The following CACNA1B variants were observed in gnomAD, a reference collection of about 807,000 sequenced individuals.
CACNA1B encodes calcium voltage-gated channel subunit alpha1 B, also known as voltage-dependent N-type calcium channel subunit alpha-1B.
Under a neutral mutation model 247.2 loss-of-function variants are expected in CACNA1B, and 70 were observed. That is an observed-to-expected ratio of 0.28 (90% CI 0.23 to 0.35). The LOEUF (loss-of-function observed/expected upper bound fraction) is 0.35. Ranked by LOEUF, CACNA1B falls within the 10% of genes least tolerant of loss-of-function variation. CACNA1B has a pLI of 1.00. For synonymous variants in CACNA1B, 1,231 were observed against 1,294.4 expected (o/e 0.95, Z 1.05); for missense variants, 2,367 against 3,197.4 (o/e 0.74, Z 6.26).
intron 42 of CACNA1B, among the ~76,000 whole-genome samples, chr9:138,116,851 G>T (rs1371407991): frequency 6.6e-6 from 1 of 152,202 alleles, no homozygotes; most frequent in Non-Finnish European, 1.5e-5. Context: ...TCTGTGCCTG[G>T]TGCCAGCAGG....
In CACNA1B at chr9:138,043,794, A is replaced by G. The variant is rs774656368; in HGVS notation, c.3307A>G (p.Ser1103Gly). 6.2e-6 allele frequency: 10 copies of G among 1,613,780 alleles called. No individual in the cohort carries two copies. The African/African-American group carries it at 9.3e-5, about 15-fold the overall frequency. ...VVPSGNVDLE[S>G]QAEGKKEVEA... ...TGTAGGTGGTAACGTGGACCTGGAA[A>G]GCCAAGCAGAGGGGAAGAAGGAGGT... is the stretch of plus-strand genomic sequence containing the variant. Residue 1103 changes from serine to glycine, a missense_variant, in exon 21 of 47, where the codon AGC (serine) becomes GGC (glycine). Around this residue, in one of 12 missense-constraint regions of CACNA1B, gnomAD observed 631 missense variants for 631.1 expected, o/e 1.00. Coordinates refer to ENST00000371372, the MANE Select transcript of CACNA1B (RefSeq NM_000718.4).
intron 37 of CACNA1B, chr9:138,101,052 G>T (rs926767353): frequency 2.3e-4 from 110 of 482,916 alleles, no homozygotes; most frequent in Non-Finnish European, 4.3e-5. Flanking sequence ...GGGCGGGAGG[G>T]TCGGGCTCCA....
intron 20 of CACNA1B, among the ~76,000 whole-genome samples, chr9:138,038,533 T>G (rs760269434): frequency 6.6e-6 from 1 of 152,214 alleles, no homozygotes; most frequent in Non-Finnish European, 1.5e-5. Context: ...CATGGGAGTT[T>G]GCATCCCCCA....
intron 37 of CACNA1B, among the ~76,000 whole-genome samples, chr9:138,098,086 T>C (rs1961116627): frequency 6.6e-6 from 1 of 152,160 alleles, no homozygotes; most frequent in African/African-American, 2.4e-5. Flanking sequence ...TTCATTTGAG[T>C]CGGAAATATA....
At chr9:138,065,833 G>A (rs1459435407) in intron 31 of CACNA1B, among the ~76,000 whole-genome samples, 12 of 152,134 alleles carry the variant, frequency 7.9e-5, no homozygotes, top group Admixed American at 3.9e-4. Flanking sequence ...TTGCGGTATC[G>A]TTATTGCACC....
chr9:137,940,703 A>C (rs988162768), intron 6 of CACNA1B, among the ~76,000 whole-genome samples: 2 of 152,228 alleles, frequency 1.3e-5, no homozygotes, highest in African/African-American at 2.4e-5. Context: ...ACAGTATATC[A>C]AGAAGATAAT....
intron 15 of CACNA1B, among the ~76,000 whole-genome samples, chr9:138,001,934 A>G (rs999815595): frequency 1.4e-4 from 21 of 152,230 alleles, no homozygotes; most frequent in African/African-American, 4.8e-4. Flanking sequence ...AGAGATGTTT[A>G]TAAGTAGGAA....
At chr9:138,024,413 C>T (rs987615941) in intron 19 of CACNA1B, among the ~76,000 whole-genome samples, 1 of 152,214 alleles carries the variant, frequency 6.6e-6, no homozygotes, top group East Asian at 1.9e-4. Flanking sequence ...GAATACTTGC[C>T]GCTGGAGGCC....
chr9:138,059,590 T>C lies in CACNA1B; in HGVS notation c.4585-64T>C. 2.1e-6 allele frequency: 2 copies of C among 949,552 alleles called. No homozygotes were observed. Among genetic ancestry groups the C allele is most frequent in the Non-Finnish European group, 3.5e-6 (2 of 576,224 alleles). The allele number at this position is 949,552 out of a possible 1,614,324, so 58.8% of individuals were successfully genotyped here. The stretch of plus-strand genomic sequence containing the variant: ...TTCTTAATCAGGGCCACCACCTATA[T>C]ATACCTCTTTGCCAACAGAGCCCTC... On this transcript the variant is annotated intron_variant, in intron 30 of 46. Coordinates refer to ENST00000371372, the MANE Select transcript of CACNA1B (RefSeq NM_000718.4). This position sits in a 1 kb window ranked among gnomAD's most constrained non-coding sequence, Gnocchi z 4.2.
intron 36 of CACNA1B, among the ~76,000 whole-genome samples, chr9:138,093,130 A>G (rs1191061928): frequency 1.3e-5 from 2 of 152,162 alleles, no homozygotes; most frequent in Admixed American, 1.3e-4. Context: ...GAAAAAGAAA[A>G]GAGAATAGGC....
chr9:138,023,667 C>T lies in CACNA1B; in HGVS notation c.2924C>T (p.Pro975Leu), dbSNP rs749385928. 6.0e-6 allele frequency: 9 copies of T among 1,493,358 alleles called. No homozygotes were observed. In the South Asian group the frequency reaches 1.0e-4, roughly 17 times the overall value. 92.5% of individuals were successfully genotyped at this position (1,493,358 alleles called of 1,614,324 possible). Residue 975 changes from proline to leucine, a missense_variant, in exon 19 of 47, where the codon CCG (proline) becomes CTG (leucine). Pro to Leu is a moderately conservative substitution (Grantham distance 98). Coordinates refer to ENST00000371372, the MANE Select transcript of CACNA1B (RefSeq NM_000718.4). ...GPREAESGEE[P>L]ARRHRARHKA... is the part of the protein sequence containing the mutation. ...CGGGAGGCGGAGAGCGGGGAGGAGC[C>T]GGCGCGGCGGCACCGGGCCCGGCAC...
intron 3 of CACNA1B, among the ~76,000 whole-genome samples, chr9:137,906,718 T>A (rs1005035062): frequency 6.6e-6 from 1 of 152,160 alleles, no homozygotes; most frequent in Admixed American, 6.5e-5. Context: ...TTCATCCCCA[T>A]GTGATGCATT....
At chr9:138,076,617 C>A (rs543990515) in intron 35 of CACNA1B, among the ~76,000 whole-genome samples, 1 of 152,138 alleles carries the variant, frequency 6.6e-6, no homozygotes, top group Non-Finnish European at 1.5e-5. Flanking sequence ...TTCCTGGGCG[C>A]GGAACAGGAG....
At chr9:137,970,873 C>T (rs1004624773) in intron 10 of CACNA1B, among the ~76,000 whole-genome samples, 4 of 152,130 alleles carry the variant, frequency 2.6e-5, no homozygotes, top group South Asian at 4.1e-4. Flanking sequence ...ATGGACCATG[C>T]GTAAACCGAT....
At chr9:137,878,504 G>A (rs549697842) in intron 1 of CACNA1B, among the ~76,000 whole-genome samples, 15 of 152,296 alleles carry the variant, frequency 9.8e-5, no homozygotes, top group African/African-American at 3.1e-4. Context: ...GGAGGGCACC[G>A]AGGGCGAAGC....
chr9:137,984,127 TC>T lies in CACNA1B; in HGVS notation c.1657-8del. On this transcript the variant is annotated splice_polypyrimidine_tract_variant and intron_variant, in intron 12 of 46. Coordinates refer to ENST00000371372, the MANE Select transcript of CACNA1B (RefSeq NM_000718.4). ...TACGGTGCACCCAAGGCTAATGCCA[TC>T]CCGTTGCAGGTCATCGTGGGGAGCG... 6.3e-7 allele frequency: 1 copy of T among 1,580,394 alleles called. No individual in the cohort carries two copies. Among genetic ancestry groups the T allele is most frequent in the Non-Finnish European group, 8.6e-7 (1 of 1,161,798 alleles).
chr9:137,969,008 A>T (rs1024301309), intron 10 of CACNA1B, among the ~76,000 whole-genome samples: 2 of 152,254 alleles, frequency 1.3e-5, no homozygotes, highest in Non-Finnish European at 2.9e-5. Context: ...GTGATTCCAG[A>T]GATGTTTCCG....
rs1205437005 is a variant in CACNA1B at position 137,973,937 on chromosome 9, G to T, written c.1544-1970G>T. 6.6e-6 allele frequency among the ~76,000 whole-genome samples: 1 copy of T among 152,200 alleles called. No homozygotes were observed. Among genetic ancestry groups the T allele is most frequent in the Admixed American group, 6.5e-5 (1 of 15,284 alleles). On this transcript the variant is annotated intron_variant, in intron 11 of 46. Coordinates refer to ENST00000371372, the MANE Select transcript of CACNA1B (RefSeq NM_000718.4). This position sits in a 1 kb window ranked among gnomAD's most constrained non-coding sequence, Gnocchi z 4.1. ...TCACTTTGGTCTCCTGGGGAGCAAG[G>T]TGTGTGCCTGGGTAGCCTCCCCTCC...
At chr9:138,081,118 G>T (rs1960510316) in intron 36 of CACNA1B, among the ~76,000 whole-genome samples, 1 of 152,150 alleles carries the variant, frequency 6.6e-6, no homozygotes, top group African/African-American at 2.4e-5. Flanking sequence ...CACACCTGTG[G>T]GCACAAAGCC....
Sources: gnomAD v4.1 joint callset for allele counts (sites outside exome capture counted in the v4.1 genomes callset) on GRCh38, gnomAD v4.1.1 for gene constraint, gnomAD v4.1.1 regional missense constraint, Gnocchi (gnomAD v3.1) non-coding constraint, MANE v1.5 for transcripts, NCBI Gene and HGNC (gene_info 2026-07-23, HGNC 2026-07-21) for gene names.